The following NKAIN2 variants were observed in gnomAD, a reference collection of about 807,000 sequenced individuals.
NKAIN2 encodes the protein sodium/potassium-transporting ATPase subunit beta-1-interacting protein 2.
NKAIN2 carries 14 observed loss-of-function variants against 32.6 expected under a neutral mutation model. The ratio of observed to expected loss-of-function variants is 0.43; its 90% CI spans 0.28 to 0.67. The LOEUF is 0.67. NKAIN2 is among the 30% of genes least tolerant of loss of function. The pLI is 0.17. For missense variants in NKAIN2, 198 were observed against 258.3 expected, an observed-to-expected ratio of 0.77 and a Z score of 1.60; for synonymous variants, 80 against 87.2, an observed-to-expected ratio of 0.92 and a Z score of 0.46.
At chr6:124,639,190 A>G (rs1414040188) in intron 3 of NKAIN2, among the ~76,000 whole-genome samples, 1 of 152,202 alleles carries the variant, frequency 6.6e-6, no homozygotes, top group East Asian at 1.9e-4. Context: ...AAAACTAACC[A>G]TAGAACTACC....
intron 3 of NKAIN2, among the ~76,000 whole-genome samples, chr6:124,608,902 T>A (rs1782590919): frequency 6.6e-6 from 1 of 152,182 alleles, no homozygotes; most frequent in South Asian, 2.1e-4. Context: ...GTGGTAGTGT[T>A]AATGACATTC....
intron 2 of NKAIN2, among the ~76,000 whole-genome samples, chr6:124,298,044 A>G (rs911647678): frequency 5.9e-5 from 9 of 152,194 alleles, no homozygotes; most frequent in Non-Finnish European, 1.0e-4. Flanking sequence ...GTAGACTCTC[A>G]AATGTTATCT....
In NKAIN2 at chr6:123,862,490, A is replaced by C. The variant is rs151208678; in HGVS notation, c.54+58236A>C. 2.6e-5 allele frequency among the ~76,000 whole-genome samples: 4 copies of C among 152,244 alleles called. No individual in the cohort carries two copies. The East Asian group carries it at 7.7e-4, about 29-fold the overall frequency. ...AAAGGTTAAACGCAGTAACACCCTTACCTGGTTCATATTCTTTCTTATACC... is the reference window on the plus strand; with the variant it reads ...AAAGGTTAAACGCAGTAACACCCTTCCCTGGTTCATATTCTTTCTTATACC... On this transcript the variant is annotated intron_variant, in intron 1 of 6. Coordinates refer to ENST00000368417, the MANE Select transcript of NKAIN2 (RefSeq NM_001040214.3).
intron 1 of NKAIN2, among the ~76,000 whole-genome samples, chr6:123,825,039 C>T (rs111583858): frequency 3.7e-4 from 56 of 152,238 alleles, no homozygotes; most frequent in African/African-American, 1.3e-3. Context: ...AAGATCTCAC[C>T]GGGTGTCTGG....
intron 4 of NKAIN2, among the ~76,000 whole-genome samples, chr6:124,707,467 G>A (rs913278837): frequency 1.6e-4 from 24 of 149,536 alleles, no homozygotes; most frequent in African/African-American, 5.0e-4. Context: ...ACAGTGTAAA[G>A]GTGTTCCTAT....
chr6:123,972,868 A>G (rs1778404563), intron 1 of NKAIN2, among the ~76,000 whole-genome samples: 1 of 152,140 alleles, frequency 6.6e-6, no homozygotes, highest in Admixed American at 6.5e-5. Flanking sequence ...TGAGGTCTGC[A>G]TGTGTGCTGG....
chr6:124,490,916 C>G (rs1417654196), intron 3 of NKAIN2, among the ~76,000 whole-genome samples: 1 of 151,786 alleles, frequency 6.6e-6, no homozygotes, highest in Non-Finnish European at 1.5e-5. Context: ...TAGCTGAACT[C>G]TAGGCAGAAT....
At chr6:124,044,008 A>T (rs1782001748) in intron 1 of NKAIN2, among the ~76,000 whole-genome samples, 1 of 152,092 alleles carries the variant, frequency 6.6e-6, no homozygotes, top group Non-Finnish European at 1.5e-5. Context: ...GACCTAAAAC[A>T]TTGACTTAGG....
intron 4 of NKAIN2, among the ~76,000 whole-genome samples, chr6:124,744,039 A>G (rs764456131): frequency 6.6e-6 from 1 of 151,938 alleles, no homozygotes; most frequent in African/African-American, 2.4e-5. Flanking sequence ...AAAAATCTAC[A>G]TAAAAAGCAA....
chr6:124,679,503 G>A (rs1385532623), intron 4 of NKAIN2, among the ~76,000 whole-genome samples: 1 of 152,196 alleles, frequency 6.6e-6, no homozygotes, highest in African/African-American at 2.4e-5. Context: ...TGGAAGGACT[G>A]TGATGAATGA....
chr6:124,714,756 C>G (rs1316209590), intron 4 of NKAIN2, among the ~76,000 whole-genome samples: 1 of 152,204 alleles, frequency 6.6e-6, no homozygotes, highest in African/African-American at 2.4e-5. Flanking sequence ...ATTGGAAGGG[C>G]TATTCCCTTC....
chr6:124,608,892 G>A (rs577766868), intron 3 of NKAIN2, among the ~76,000 whole-genome samples: 91 of 152,298 alleles, frequency 6.0e-4, no homozygotes, highest in Non-Finnish European at 1.0e-3. Context: ...TGGCTACAGG[G>A]TGGTAGTGTT....
At position 123,809,021 on chromosome 6, in the gene NKAIN2, A is replaced by G. The variant is rs561509513; in HGVS notation, c.54+4767A>G. On this transcript the variant is annotated intron_variant, in intron 1 of 6. Coordinates refer to ENST00000368417, the MANE Select transcript of NKAIN2 (RefSeq NM_001040214.3). ...CACCAATTGCATTAAATATTCGTATATACAGATAATGCCTACAATTCCAAA... is the reference window on the plus strand; with the variant it reads ...CACCAATTGCATTAAATATTCGTATGTACAGATAATGCCTACAATTCCAAA... Among the ~76,000 whole-genome samples, 182 of 152,334 alleles carry G rather than the reference A, an allele frequency of 1.2e-3. 1 individual carries two copies. Among genetic ancestry groups the G allele is most frequent in the Non-Finnish European group, 1.7e-3 (119 of 68,016 alleles).
chr6:123,825,960 A>G (rs895450303), intron 1 of NKAIN2, among the ~76,000 whole-genome samples: 1 of 152,158 alleles, frequency 6.6e-6, no homozygotes, highest in Non-Finnish European at 1.5e-5. Flanking sequence ...TGGTTTGCTG[A>G]TAGTTACTGT....
At chr6:124,744,426 C>T (rs75471887) in intron 4 of NKAIN2, among the ~76,000 whole-genome samples, 7,674 of 151,844 alleles carry the variant, frequency 0.051, 294 homozygotes, top group Middle Eastern at 0.075. Context: ...CTATTTCATC[C>T]AAATGACTTT....
At chr6:124,261,968 A>T (rs944760528) in intron 1 of NKAIN2, among the ~76,000 whole-genome samples, 1 of 151,614 alleles carries the variant, frequency 6.6e-6, no homozygotes, top group Non-Finnish European at 1.5e-5. Flanking sequence ...CTTGCCTGTC[A>T]CCCAGTAAGT....
rs145871504 is a variant in NKAIN2, at chr6:124,486,179, G to T, written c.273+130832G>T. Among the ~76,000 whole-genome samples, 745 of 152,252 alleles carry T rather than the reference G, an allele frequency of 4.9e-3. 3 individuals are homozygous for T. The highest frequency in any genetic ancestry group is 0.017 in the African/African-American group (710 of 41,564). On this transcript the variant is annotated intron_variant, in intron 3 of 6. Coordinates refer to ENST00000368417, the MANE Select transcript of NKAIN2 (RefSeq NM_001040214.3). ...AAATAGAATGAAACATAAGGAGAATGCTGTGTTTTTTCTAAAACTCTTGTT... is the reference window on the plus strand; with the variant it reads ...AAATAGAATGAAACATAAGGAGAATTCTGTGTTTTTTCTAAAACTCTTGTT...
intron 1 of NKAIN2, among the ~76,000 whole-genome samples, chr6:123,945,375 A>T (rs1174373032): frequency 6.6e-6 from 1 of 152,094 alleles, no homozygotes; most frequent in South Asian, 2.1e-4. Flanking sequence ...TCAATTTGTC[A>T]TGTCAGTGTG....
intron 1 of NKAIN2, among the ~76,000 whole-genome samples, chr6:124,246,928 G>T (rs567142300): frequency 6.6e-6 from 1 of 152,086 alleles, no homozygotes; most frequent in East Asian, 1.9e-4. Flanking sequence ...CTACAACCAA[G>T]ATGTTTACAG....
Sources: allele counts gnomAD v4.1 joint callset (sites outside exome capture counted in the v4.1 genomes callset), GRCh38; gene constraint gnomAD v4.1.1; transcripts MANE v1.5; gene names NCBI Gene and HGNC (gene_info 2026-07-23, HGNC 2026-07-21).